COL13A1: variants seen among roughly 807,000 people sequenced by gnomAD.
COL13A1 encodes the protein collagen type XIII alpha 1 chain.
Under a neutral mutation model 130.9 loss-of-function variants are expected in COL13A1, and 89 were observed. The ratio of observed to expected loss-of-function variants is 0.68; its 90% CI spans 0.57 to 0.81. The LOEUF (loss-of-function observed/expected upper bound fraction) is 0.81. Ranked by LOEUF, COL13A1 falls within the 30% of genes least tolerant of loss-of-function variation. The pLI is 0.00. For synonymous variants in COL13A1, 402 were observed against 341.6 expected (o/e 1.18, Z -1.95); for missense variants, 879 against 934.6 (o/e 0.94, Z 0.78).
chr10:69,904,201 C>T (rs536282268), intron 15 of COL13A1, among the ~76,000 whole-genome samples: 17 of 152,226 alleles, frequency 1.1e-4, no homozygotes, highest in African/African-American at 3.1e-4. Flanking sequence ...TTTTGCTGAC[C>T]GCTGCCCTTT....
intron 18 of COL13A1, among the ~76,000 whole-genome samples, chr10:69,918,007 C>G (rs1160197282): frequency 6.6e-6 from 1 of 152,138 alleles, no homozygotes; most frequent in African/African-American, 2.4e-5. Context: ...CCACAGTCCC[C>G]ACTGTGCCTC....
chr10:69,817,074 C>CA (rs1019839166), intron 1 of COL13A1, among the ~76,000 whole-genome samples: 6 of 152,210 alleles, frequency 3.9e-5, no homozygotes, highest in African/African-American at 1.4e-4. Context: ...TATGGGAGCA[C>CA]AGCCACACTG....
chr10:69,911,981 A>T (rs2063429676), intron 17 of COL13A1, among the ~76,000 whole-genome samples: 1 of 152,152 alleles, frequency 6.6e-6, no homozygotes, highest in Admixed American at 6.5e-5. Flanking sequence ...CTCCGTGCAG[A>T]TGGAAGCCCT....
intron 13 of COL13A1, 73 bp downstream of exon 13, chr10:69,895,649 C>T (rs1440208469): frequency 1.3e-6 from 2 of 1,514,410 alleles, no homozygotes; most frequent in Non-Finnish European, 1.8e-6. Context: ...TCAGCCTCAT[C>T]TCCCTGGGGT....
chr10:69,917,133 G>T (rs556957090), intron 17 of COL13A1, among the ~76,000 whole-genome samples, 156 bp from the exon 18 acceptor site: 2 of 152,140 alleles, frequency 1.3e-5, no homozygotes, highest in African/African-American at 4.8e-5. Context: ...TGAGGACAGG[G>T]GCCCACACAG....
At chr10:69,820,794 C>A (rs899500979) in intron 1 of COL13A1, among the ~76,000 whole-genome samples, 1 of 152,174 alleles carries the variant, frequency 6.6e-6, no homozygotes, top group Admixed American at 6.5e-5. Context: ...CAGGCATTTG[C>A]ACTCACCTTC....
intron 2 of COL13A1, among the ~76,000 whole-genome samples, chr10:69,850,727 G>T (rs1176613446): frequency 3.7e-5 from 5 of 136,390 alleles, no homozygotes; most frequent in Admixed American, 7.7e-5. Context: ...AAGGGGAGGG[G>T]AAGAGAGAGA....
At chr10:69,860,725 C>T (rs566432872) in intron 2 of COL13A1, 7 of 275,954 alleles carry the variant, frequency 2.5e-5, no homozygotes, top group African/African-American at 9.2e-5. Context: ...TGGCCTTCTG[C>T]GGCCATTTTC....
chr10:69,864,800 A>T (rs1426032520), intron 2 of COL13A1, among the ~76,000 whole-genome samples: 2 of 152,182 alleles, frequency 1.3e-5, no homozygotes, highest in African/African-American at 4.8e-5. Flanking sequence ...TGGCCTCAGC[A>T]GGAAGCTGAG....
At chr10:69,881,641 G>A (rs552483035) in intron 7 of COL13A1, among the ~76,000 whole-genome samples, 55 of 152,324 alleles carry the variant, frequency 3.6e-4, no homozygotes, top group Non-Finnish European at 4.1e-4. Flanking sequence ...GGGCTGGGTC[G>A]GAGGCAGAAC....
chr10:69,934,896 G>T (rs558794777), intron 31 of COL13A1, among the ~76,000 whole-genome samples: 10 of 152,248 alleles, frequency 6.6e-5, no homozygotes, highest in African/African-American at 2.2e-4. Flanking sequence ...GTCTACAAGG[G>T]TCAGGCCTGC....
intron 6 of COL13A1, among the ~76,000 whole-genome samples, chr10:69,878,329 C>G (rs1370346980): frequency 6.6e-6 from 1 of 152,186 alleles, no homozygotes; most frequent in Non-Finnish European, 1.5e-5. Context: ...AGCATGAGGC[C>G]TCATCGCTCT....
intron 26 of COL13A1, among the ~76,000 whole-genome samples, chr10:69,926,613 A>G (rs1187561629): frequency 1.3e-5 from 2 of 152,190 alleles, no homozygotes; most frequent in Non-Finnish European, 2.9e-5. Context: ...AAAGCCAACA[A>G]TCATCTCCCT....
chr10:69,902,679 G>A, intron 14 of COL13A1, 69 bp from the exon 15 acceptor site: 1 of 1,335,424 alleles, frequency 7.5e-7, no homozygotes, highest in Non-Finnish European at 1.0e-6. Flanking sequence ...TGGGTGCATG[G>A]CCTGAGGGTG....
intron 1 of COL13A1, among the ~76,000 whole-genome samples, chr10:69,819,361 G>A (rs553189533): frequency 3.9e-5 from 6 of 152,276 alleles, no homozygotes; most frequent in East Asian, 3.9e-4. Context: ...CCAAAGTGGA[G>A]GTCTATGAGT....
intron 17 of COL13A1, among the ~76,000 whole-genome samples, chr10:69,908,363 C>T (rs1251846977): frequency 6.6e-6 from 1 of 152,106 alleles, no homozygotes; most frequent in African/African-American, 2.4e-5. Flanking sequence ...GAAATCAGCC[C>T]CCGCAGTTGC....
At chr10:69,896,507 A>G (rs985608397) in intron 13 of COL13A1, among the ~76,000 whole-genome samples, 6 of 152,210 alleles carry the variant, frequency 3.9e-5, no homozygotes, top group Non-Finnish European at 7.3e-5. Context: ...CATGGTGCTC[A>G]GCTTCCCTGG....
intron 17 of COL13A1, among the ~76,000 whole-genome samples, chr10:69,912,418 G>T (rs1206011105): frequency 3.9e-5 from 6 of 152,180 alleles, no homozygotes; most frequent in Non-Finnish European, 7.4e-5. Flanking sequence ...GAACTGAGCT[G>T]CCTTTTTCCC....
chr10:69,950,485 C>T (rs138576399), intron 38 of COL13A1, among the ~76,000 whole-genome samples: 1 of 152,296 alleles, frequency 6.6e-6, no homozygotes, highest in East Asian at 1.9e-4. Context: ...ACTGGGATCC[C>T]CCACTCTGGC....
Sources: gnomAD v4.1 joint callset for allele counts (sites outside exome capture counted in the v4.1 genomes callset) on GRCh38, gnomAD v4.1.1 for gene constraint, MANE v1.5 for transcripts, NCBI Gene and HGNC (gene_info 2026-07-23, HGNC 2026-07-21) for gene names.